Variants in RPTOR observed in about 807,000 individuals in gnomAD.
RPTOR encodes regulatory-associated protein of mTOR.
A neutral mutation model predicts 169.9 loss-of-function variants in RPTOR; 21 were observed. The ratio of observed to expected loss-of-function variants is 0.12; its 90% confidence interval spans 0.09 to 0.18. RPTOR has a LOEUF of 0.18. Among genes scored for constraint, RPTOR ranks in the 10% least tolerant of loss-of-function variants. RPTOR has a pLI of 1.00. For synonymous variants in RPTOR, 732 were observed against 753.2 expected (o/e 0.97, Z 0.46); for missense variants, 1,133 against 1,855.9 (o/e 0.61, Z 7.16).
intron 3 of RPTOR, among the ~76,000 whole-genome samples, chr17:80,693,323 C>T (rs534032583): frequency 3.3e-5 from 5 of 152,298 alleles, no homozygotes; most frequent in African/African-American, 7.2e-5. Flanking sequence ...CCAGTGCCCC[C>T]GAGGGCAGAG....
chr17:80,770,690 C>T (rs1197288640), intron 6 of RPTOR, among the ~76,000 whole-genome samples: 1 of 152,214 alleles, frequency 6.6e-6, no homozygotes, highest in Non-Finnish European at 1.5e-5. Flanking sequence ...AATCGCACTG[C>T]TGGTAGCACC....
intron 7 of RPTOR, among the ~76,000 whole-genome samples, chr17:80,819,333 T>C (rs944001388): frequency 2.6e-5 from 4 of 152,244 alleles, no homozygotes; most frequent in Non-Finnish European, 5.9e-5. Flanking sequence ...TGTTTCTCCT[T>C]GCACATGTTT....
rs1219766571 is a variant in RPTOR, at chr17:80,861,036, TG to T, written c.1509+3137del. Among the ~76,000 whole-genome samples the T allele has an allele frequency of 6.9e-6, 1 of 144,744 alleles. No homozygotes were observed. The highest frequency in any genetic ancestry group is 2.4e-5 in the African/African-American group (1 of 40,972). 95.0% of individuals were successfully genotyped at this position (144,744 alleles called of 152,430 possible). A position where few individuals can be genotyped will look rare whatever the true frequency, so the allele number is the denominator to read the frequency against. ...CAGAGAACGCTCCATAATGGTGACC[TG>T]AATACCATATATTTCAGCAAAATAT... On this transcript the variant is annotated intron_variant, in intron 13 of 33. Coordinates refer to ENST00000306801, the MANE Select transcript of RPTOR (RefSeq NM_020761.3). The surrounding 1 kb of genome is among the most constrained non-coding windows in gnomAD (Gnocchi z 4.5).
intron 1 of RPTOR, among the ~76,000 whole-genome samples, chr17:80,604,776 G>A (rs983455636): frequency 1.3e-5 from 2 of 152,146 alleles, no homozygotes; most frequent in African/African-American, 4.8e-5. Context: ...ATCAGATCTT[G>A]TGAGACTTAT....
chr17:80,719,087 G>T (rs2066263039), intron 4 of RPTOR, among the ~76,000 whole-genome samples: 1 of 152,204 alleles, frequency 6.6e-6, no homozygotes, highest in African/African-American at 2.4e-5. Flanking sequence ...CAGGTTGTGA[G>T]TAGGCCGGAG....
chr17:80,627,467 G>T (rs1387411463), intron 2 of RPTOR, among the ~76,000 whole-genome samples: 2 of 152,164 alleles, frequency 1.3e-5, no homozygotes, highest in Non-Finnish European at 2.9e-5. Context: ...GGGTCCCTTT[G>T]TAATCGATCC....
chr17:80,833,371 C>T (rs899416879), intron 9 of RPTOR, among the ~76,000 whole-genome samples: 2 of 152,236 alleles, frequency 1.3e-5, no homozygotes, highest in Non-Finnish European at 2.9e-5. Context: ...GCCTCCTCCC[C>T]TCAGATCTGC....
intron 9 of RPTOR, among the ~76,000 whole-genome samples, chr17:80,833,504 G>A (rs1030903309): frequency 1.8e-4 from 28 of 152,196 alleles, no homozygotes; most frequent in Non-Finnish European, 2.8e-4. Context: ...ACCTCACAGG[G>A]CTGGCTGCTG....
intron 2 of RPTOR, among the ~76,000 whole-genome samples, chr17:80,628,117 C>T (rs568988490): frequency 6.6e-6 from 1 of 152,324 alleles, no homozygotes; most frequent in East Asian, 1.9e-4. Context: ...GGATTACAGG[C>T]ATGAGCCACC....
intron 4 of RPTOR, among the ~76,000 whole-genome samples, chr17:80,713,341 C>T (rs1328021054): frequency 1.3e-5 from 2 of 152,174 alleles, no homozygotes; most frequent in African/African-American, 4.8e-5. Flanking sequence ...CCACCACACC[C>T]GGCCTGGATG....
intron 28 of RPTOR, among the ~76,000 whole-genome samples, chr17:80,953,771 C>T (rs922426499): frequency 6.6e-6 from 1 of 152,252 alleles, no homozygotes; most frequent in African/African-American, 2.4e-5. Context: ...GGCTGCACAG[C>T]TGCAGCAGGA....
intron 20 of RPTOR, among the ~76,000 whole-genome samples, chr17:80,894,250 G>T (rs1444592866): frequency 6.6e-6 from 1 of 152,196 alleles, no homozygotes; most frequent in Admixed American, 6.5e-5. Flanking sequence ...ACGAGCAACT[G>T]GGGTACAGTA....
chr17:80,686,535 A>T (rs2065949412), intron 3 of RPTOR, among the ~76,000 whole-genome samples: 2 of 152,014 alleles, frequency 1.3e-5, no homozygotes, highest in African/African-American at 4.8e-5. Flanking sequence ...GTGAATGAAG[A>T]GAAAGGTAAA....
chr17:80,783,664 A>G (rs933878256), intron 6 of RPTOR, among the ~76,000 whole-genome samples: 3 of 152,240 alleles, frequency 2.0e-5, no homozygotes, highest in African/African-American at 4.8e-5. Context: ...AGCTCTGACA[A>G]TGGGGCCGTA....
At chr17:80,771,841 C>T (rs988010524) in intron 6 of RPTOR, among the ~76,000 whole-genome samples, 2 of 152,158 alleles carry the variant, frequency 1.3e-5, no homozygotes, top group Non-Finnish European at 2.9e-5. Flanking sequence ...TCTGACGTGC[C>T]CGTCTTCTCG....
At chr17:80,937,942 A>G (rs1203000209) in intron 24 of RPTOR, among the ~76,000 whole-genome samples, 2 of 152,336 alleles carry the variant, frequency 1.3e-5, no homozygotes, top group South Asian at 2.1e-4. Context: ...GTCCTGACAC[A>G]GACACTTGGG....
intron 3 of RPTOR, among the ~76,000 whole-genome samples, chr17:80,679,961 G>A (rs762713908): frequency 6.6e-6 from 1 of 152,294 alleles, no homozygotes; most frequent in East Asian, 1.9e-4. Context: ...TCCCTGTCCT[G>A]GAGAGGAAGA....
Position 80,845,073 on chromosome 17 carries a change from G to T in RPTOR, c.1213-1400G>T, listed in dbSNP as rs2067713030. ...ACTCTCCGTGGAGGGAATCAGGCCG[G>T]ACTGCTCCTGCCTGGCCGCTCAGTT... is the stretch of plus-strand genomic sequence containing the variant. On this transcript the variant is annotated intron_variant, in intron 10 of 33. Coordinates refer to ENST00000306801, the MANE Select transcript of RPTOR (RefSeq NM_020761.3). The surrounding 1 kb of genome is among the most constrained non-coding windows in gnomAD (Gnocchi z 5.4). 6.6e-6 allele frequency among the ~76,000 whole-genome samples: 1 copy of T among 151,918 alleles called. No individual in the cohort carries two copies. Among genetic ancestry groups the T allele is most frequent in the South Asian group, 2.1e-4 (1 of 4,824 alleles).
chr17:80,698,367 A>G (rs866226386), intron 3 of RPTOR, among the ~76,000 whole-genome samples: 1 of 151,574 alleles, frequency 6.6e-6, no homozygotes, highest in South Asian at 2.1e-4. Context: ...CGTGGAGGAT[A>G]GCGTGAAAAG....
Sources: allele counts gnomAD v4.1 joint callset (sites outside exome capture counted in the v4.1 genomes callset), GRCh38; gene constraint gnomAD v4.1.1; non-coding constraint Gnocchi (gnomAD v3.1); transcripts MANE v1.5; gene names NCBI Gene and HGNC (gene_info 2026-07-23, HGNC 2026-07-21).